AGBL3: variants seen among roughly 807,000 people sequenced by gnomAD.
AGBL3 encodes the protein cytosolic carboxypeptidase 3.
A neutral mutation model predicts 94.5 loss-of-function variants in AGBL3; 68 were observed. The observed-to-expected ratio is 0.72, with a 90% CI of 0.59 to 0.88. The LOEUF (loss-of-function observed/expected upper bound fraction) is 0.88, where lower values mean the gene tolerates loss of function less well. Among genes scored for constraint, AGBL3 ranks in the 40% least tolerant of loss-of-function variants. The pLI, the probability that AGBL3 is intolerant of heterozygous loss-of-function variation, is 0.00. For synonymous variants in AGBL3, 354 were observed against 370.7 expected (o/e 0.95, Z 0.52); for missense variants, 934 against 1,103.8 (o/e 0.85, Z 2.18).
At chr7:135,119,418 A>T (rs1042339654) in intron 16 of AGBL3, among the ~76,000 whole-genome samples, 4 of 151,542 alleles carry the variant, frequency 2.6e-5, no homozygotes, top group African/African-American at 4.8e-5. Flanking sequence ...TTTAGTAGAG[A>T]CGAGGTTTTG....
intron 11 of AGBL3, among the ~76,000 whole-genome samples, chr7:135,053,505 G>T (rs1006700439): frequency 3.3e-5 from 5 of 152,164 alleles, no homozygotes; most frequent in African/African-American, 1.2e-4. Flanking sequence ...TACTCGGGAG[G>T]CTGAGGCAGG....
At chr7:135,104,289 A>C (rs1238541493) in intron 15 of AGBL3, among the ~76,000 whole-genome samples, 2 of 152,184 alleles carry the variant, frequency 1.3e-5, no homozygotes, top group Non-Finnish European at 2.9e-5. Context: ...GTGTATGTGT[A>C]CCACATTTTC....
chr7:135,034,615 A>G lies in AGBL3; in HGVS notation c.1024A>G (p.Ile342Val). 1 of 1,551,678 alleles carries G rather than the reference A, an allele frequency of 6.4e-7. No homozygotes were observed. Residue 342 changes from isoleucine (I) to valine (V), a missense_variant, in exon 7 of 17, where the codon ATC (isoleucine) becomes GTC (valine). By Grantham distance (29) the Ile-to-Val change is conservative. Coordinates refer to ENST00000436302, the MANE Select transcript of AGBL3 (RefSeq NM_178563.4). The part of the protein sequence containing the change: ...LARNMVYILT[I>V]TTPLKNSDSR... ...TAGGAACATGGTGTATATTTTAACA[A>G]TCACTACCCCCTTGAAGAACTCTGA...
At chr7:135,053,539 G>A (rs776917489) in intron 11 of AGBL3, among the ~76,000 whole-genome samples, 5 of 152,040 alleles carry the variant, frequency 3.3e-5, no homozygotes, top group Admixed American at 1.3e-4. Context: ...CCCGGGAGGC[G>A]GAGGTTGCAG....
At chr7:134,986,816 G>A (rs989128840) in intron 1 of AGBL3, 115 bp downstream of exon 1, 7 of 152,304 alleles carry the variant, frequency 4.6e-5, no homozygotes, top group Non-Finnish European at 1.0e-4. Flanking sequence ...TCGGCCGCCC[G>A]GAGTTGTGGC....
chr7:135,093,369 T>C (rs973482988), intron 15 of AGBL3: 1 of 152,040 alleles, frequency 6.6e-6, no homozygotes, highest in South Asian at 2.1e-4. Flanking sequence ...AAAAGATCAA[T>C]AGGCAAAAAT....
intron 15 of AGBL3, among the ~76,000 whole-genome samples, chr7:135,105,423 A>AG: frequency 6.6e-6 from 1 of 152,324 alleles, no homozygotes; most frequent in African/African-American, 2.4e-5. Flanking sequence ...GGTGTAAGGT[A>AG]GGGGTGCAGT....
At position 135,065,709 on chromosome 7, in the gene AGBL3, G is replaced by T. The variant is rs147219009; in HGVS notation, c.1908+6474G>T. Among the ~76,000 whole-genome samples the T allele has an allele frequency of 4.6e-3, 695 of 152,204 alleles. 3 individuals carry two copies. Among genetic ancestry groups the T allele is most frequent in the African/African-American group, 0.016 (665 of 41,528 alleles). ...GAGTTCGAGACCAGCCTAGGCAACA[G>T]AGTGAGACCCCACCTCTACAAAAAA... On this transcript the variant is annotated intron_variant, in intron 12 of 16. Coordinates refer to ENST00000436302, the MANE Select transcript of AGBL3 (RefSeq NM_178563.4).
intron 5 of AGBL3, among the ~76,000 whole-genome samples, chr7:135,028,844 A>T (rs573758493): frequency 2.6e-5 from 4 of 152,280 alleles, no homozygotes; most frequent in African/African-American, 9.6e-5. Context: ...TGAAAGTTGA[A>T]ATTACTTCTT....
intron 5 of AGBL3, among the ~76,000 whole-genome samples, chr7:135,022,684 T>C (rs978596928): frequency 3.3e-5 from 5 of 152,212 alleles, no homozygotes; most frequent in African/African-American, 1.2e-4. Context: ...ATTTCTCAAT[T>C]TTAGCTTTTG....
chr7:135,077,242 T>C (rs571884057), intron 13 of AGBL3, among the ~76,000 whole-genome samples: 31 of 152,286 alleles, frequency 2.0e-4, no homozygotes, highest in African/African-American at 7.2e-4. Context: ...CCTCTCCCAG[T>C]CCCCGTACAT....
intron 4 of AGBL3, among the ~76,000 whole-genome samples, chr7:135,005,779 A>G (rs928478643): frequency 3.3e-5 from 5 of 151,818 alleles, no homozygotes; most frequent in African/African-American, 1.2e-4. Flanking sequence ...CAGAAGTAGA[A>G]CCACACAAAT....
chr7:135,124,730 C>T (rs1049757181), intron 16 of AGBL3, among the ~76,000 whole-genome samples: 1 of 152,142 alleles, frequency 6.6e-6, no homozygotes, highest in Non-Finnish European at 1.5e-5. Context: ...AATTACAACT[C>T]AGGATTAAAA....
rs1417108783 is a variant in AGBL3 at position 135,131,013 on chromosome 7, G to A, written c.2343-3828G>A. Among the ~76,000 whole-genome samples the A allele has an allele frequency of 4.6e-5, 7 of 152,016 alleles. No individual in the cohort carries two copies. The South Asian group carries it at 8.3e-4, about 18-fold the overall frequency. Reference sequence around the variant, plus strand: ...CTTTGTCATTGAAAATTGAAGAATTGCTTTTAACTGTTTTAGGTGTGTGTG... The same window carrying A: ...CTTTGTCATTGAAAATTGAAGAATTACTTTTAACTGTTTTAGGTGTGTGTG... On this transcript the variant is annotated intron_variant, in intron 16 of 16. Coordinates refer to ENST00000436302, the MANE Select transcript of AGBL3 (RefSeq NM_178563.4).
At chr7:135,126,091 A>G (rs1485192670) in intron 16 of AGBL3, among the ~76,000 whole-genome samples, 1 of 151,966 alleles carries the variant, frequency 6.6e-6, no homozygotes, top group Non-Finnish European at 1.5e-5. Flanking sequence ...ACAGGAAGAG[A>G]GGAAGTCAAA....
At chr7:135,071,440 G>T (rs1310655490) in intron 12 of AGBL3, among the ~76,000 whole-genome samples, 1 of 152,110 alleles carries the variant, frequency 6.6e-6, no homozygotes, top group Admixed American at 6.5e-5. Flanking sequence ...CCAAAAAAGA[G>T]CCCGCATTGC....
intron 11 of AGBL3, among the ~76,000 whole-genome samples, chr7:135,052,334 G>A (rs1158150007): frequency 6.6e-6 from 1 of 152,136 alleles, no homozygotes; most frequent in East Asian, 1.9e-4. Flanking sequence ...TTATTTCTGT[G>A]TAGTACTCCA....
At chr7:135,063,826 C>T (rs979193716) in intron 12 of AGBL3, among the ~76,000 whole-genome samples, 1 of 152,112 alleles carries the variant, frequency 6.6e-6, no homozygotes, top group Non-Finnish European at 1.5e-5. Flanking sequence ...TGCATAACAC[C>T]CTCAGACTAT....
Position 135,077,560 on chromosome 7 carries a change from T to G in AGBL3, c.1980+1092T>G, listed in dbSNP as rs139926758. ...AAAGAGAAGTTAAGCTTAAGGACAG[T>G]CTCAAAAGCAGTGCAATTATGGCTT... On this transcript the variant is annotated intron_variant, in intron 13 of 16. Transcript: ENST00000436302. 2.6e-4 allele frequency among the ~76,000 whole-genome samples: 39 copies of G among 152,132 alleles called. No homozygotes were observed. In the East Asian group the frequency reaches 7.3e-3, roughly 29 times the overall value.
Sources: gnomAD v4.1 joint callset for allele counts (sites outside exome capture counted in the v4.1 genomes callset) on GRCh38, gnomAD v4.1.1 for gene constraint, MANE v1.5 for transcripts, NCBI Gene and HGNC (gene_info 2026-07-23, HGNC 2026-07-21) for gene names.